NFIA: variants seen among roughly 807,000 people sequenced by gnomAD.
The protein encoded by NFIA is nuclear factor I A, also known as nuclear factor 1 A-type.
NFIA carries 8 observed loss-of-function variants against 62.8 expected under a neutral mutation model. That is an observed-to-expected ratio of 0.13 (90% CI 0.07 to 0.23). The LOEUF (loss-of-function observed/expected upper bound fraction) is 0.23. NFIA is among the 10% of genes least tolerant of loss of function. The pLI, the probability that NFIA is intolerant of heterozygous loss-of-function variation, is 1.00. For missense variants in NFIA, 410 were observed against 642.1 expected (o/e 0.64, Z 3.91); for synonymous variants, 235 against 238.1 (o/e 0.99, Z 0.12).
At chr1:61,150,426 A>C (rs539382320) in intron 2 of NFIA, among the ~76,000 whole-genome samples, 54 of 152,224 alleles carry the variant, frequency 3.5e-4, no homozygotes, top group African/African-American at 1.2e-3. Context: ...CATTGGAGTA[A>C]CCCTGTGATT....
Position 61,122,422 on chromosome 1 carries a change from C to T in NFIA, c.559+33742C>T, listed in dbSNP as rs117976341. 1.4e-4 allele frequency among the ~76,000 whole-genome samples: 22 copies of T among 152,266 alleles called. No individual in the cohort carries two copies. In the East Asian group the frequency reaches 4.2e-3, roughly 29 times the overall value. The stretch of plus-strand genomic sequence containing the variant: ...ACTTGCATGTATCCCAGAGTTTGCA[C>T]GGTGTTGCTGAGTGTCTCGTTAGAC... On this transcript the variant is annotated intron_variant, in intron 2 of 10. Transcript: ENST00000403491.
chr1:61,233,017 T>C (rs904570467), intron 2 of NFIA, among the ~76,000 whole-genome samples: 43 of 152,350 alleles, frequency 2.8e-4, no homozygotes, highest in Non-Finnish European at 4.4e-5. Flanking sequence ...GCTAAATAAA[T>C]TCTAAGCTCC....
chr1:61,125,610 G>A (rs556113544), intron 2 of NFIA, among the ~76,000 whole-genome samples: 2 of 152,128 alleles, frequency 1.3e-5, no homozygotes, highest in Non-Finnish European at 1.5e-5. Flanking sequence ...GCAAAATATG[G>A]TGTCATATGG....
In NFIA at chr1:61,113,166, G is replaced by A. The variant is rs1646733203; in HGVS notation, c.559+24486G>A. ...AAGGCTTATAAATCACTGTCTTTGAGATAAGTTTCTTAATTCACAGGTTTG... is the reference window on the plus strand; with the variant it reads ...AAGGCTTATAAATCACTGTCTTTGAAATAAGTTTCTTAATTCACAGGTTTG... On this transcript the variant is annotated intron_variant, in intron 2 of 10. Transcript: ENST00000403491. Among the ~76,000 whole-genome samples the A allele has an allele frequency of 3.9e-5, 6 of 151,998 alleles. No individual in the cohort carries two copies. The South Asian group carries it at 1.2e-3, about 32-fold the overall frequency.
intron 7 of NFIA, among the ~76,000 whole-genome samples, chr1:61,387,004 G>A (rs1324365017): frequency 6.6e-6 from 1 of 152,108 alleles, no homozygotes. Context: ...TTTCTTAAAA[G>A]CACTAATCCT....
chr1:61,440,960 A>G (rs1239603718), intron 10 of NFIA, among the ~76,000 whole-genome samples: 1 of 152,204 alleles, frequency 6.6e-6, no homozygotes, highest in Non-Finnish European at 1.5e-5. Flanking sequence ...AACTTTAAGA[A>G]TATTTTGGAA....
At chr1:61,454,080 C>T (rs565005571) in intron 10 of NFIA, among the ~76,000 whole-genome samples, 9 of 152,276 alleles carry the variant, frequency 5.9e-5, no homozygotes, top group African/African-American at 1.9e-4. Context: ...CAAATGAGTC[C>T]TTACATTACC....
chr1:61,269,218 TAA>T (rs879632480), intron 2 of NFIA, among the ~76,000 whole-genome samples: 5 of 138,228 alleles, frequency 3.6e-5, no homozygotes, highest in Non-Finnish European at 1.6e-5. Context: ...GTATAGAATT[TAA>T]AAAAAAAAAA....
At chr1:61,196,821 T>C (rs1652030271) in intron 2 of NFIA, among the ~76,000 whole-genome samples, 1 of 152,164 alleles carries the variant, frequency 6.6e-6, no homozygotes, top group South Asian at 2.1e-4. Context: ...GTAAATCGAC[T>C]TCTCTGCATA....
chr1:61,240,884 G>A (rs1273521655), intron 2 of NFIA, among the ~76,000 whole-genome samples: 1 of 151,648 alleles, frequency 6.6e-6, no homozygotes, highest in Non-Finnish European at 1.5e-5. Flanking sequence ...GAGTGAAGTT[G>A]AATATGACCA....
chr1:61,283,594 A>AAAAAAAAAAAAAG (rs1658294698), intron 3 of NFIA, among the ~76,000 whole-genome samples: 20 of 110,010 alleles, frequency 1.8e-4, no homozygotes, highest in Non-Finnish European at 3.2e-4. Context: ...AAAAAAAAAA[A>AAAAAAAAAAAAAG]AAAAAAAAAA....
At chr1:61,444,159 T>C (rs1453925190) in intron 10 of NFIA, among the ~76,000 whole-genome samples, 1 of 152,220 alleles carries the variant, frequency 6.6e-6, no homozygotes, top group Non-Finnish European at 1.5e-5. Context: ...CACAGAAAGC[T>C]GAAACTCATT....
At chr1:61,183,836 A>T (rs1018661633) in intron 2 of NFIA, among the ~76,000 whole-genome samples, 2 of 152,088 alleles carry the variant, frequency 1.3e-5, no homozygotes, top group African/African-American at 4.8e-5. Context: ...TGACATGGTA[A>T]AGTGGGACCA....
intron 10 of NFIA, among the ~76,000 whole-genome samples, chr1:61,437,063 T>C (rs1253809217): frequency 6.6e-6 from 1 of 152,156 alleles, no homozygotes; most frequent in Non-Finnish European, 1.5e-5. Context: ...CAGGCACAGT[T>C]GTTCTCAGCA....
intron 2 of NFIA, among the ~76,000 whole-genome samples, chr1:61,093,856 A>G (rs750291119): frequency 1.3e-5 from 2 of 152,192 alleles, no homozygotes; most frequent in African/African-American, 4.8e-5. Flanking sequence ...GATGAATAGC[A>G]TTAATTTAAA....
chr1:61,443,546 A>G (rs1026691366), intron 10 of NFIA, among the ~76,000 whole-genome samples: 6 of 152,190 alleles, frequency 3.9e-5, no homozygotes, highest in Non-Finnish European at 2.9e-5. Context: ...GAATCTGGGT[A>G]CTGGGAATGC....
At chr1:61,407,588 G>C (rs1569795204) in intron 9 of NFIA, among the ~76,000 whole-genome samples, 2 of 152,144 alleles carry the variant, frequency 1.3e-5, no homozygotes, top group African/African-American at 4.8e-5. Context: ...GGATGCCCTA[G>C]CCTTGATAGA....
rs879156791 is a variant in NFIA at position 61,082,654 on chromosome 1, ATT to A, written c.-130_-129del. On this transcript the variant is annotated 5_prime_UTR_variant, in exon 1 of 11. Coordinates refer to ENST00000403491, the MANE Select transcript of NFIA (RefSeq NM_001134673.4). ...AATGTGAACGCAAGAAGCAGGCTTG[ATT>A]TTTTTTTCTCCCCCCTTCTCTCTCT... 16,454 of 1,503,536 alleles carry A rather than the reference ATT, an allele frequency of 0.011. 129 individuals are homozygous for A. Among genetic ancestry groups the A allele is most frequent in the Non-Finnish European group, 0.012 (13,309 of 1,120,328 alleles). The allele number at this position is 1,503,536 out of a possible 1,614,324, so 93.1% of individuals were successfully genotyped here. A position where few individuals can be genotyped will look rare whatever the true frequency, so the allele number is the denominator to read the frequency against.
chr1:61,380,488 G>A (rs1664363145), intron 6 of NFIA, among the ~76,000 whole-genome samples: 1 of 152,060 alleles, frequency 6.6e-6, no homozygotes, highest in Admixed American at 6.6e-5. Context: ...TTAAAGTAAT[G>A]TACAGAACCA....
Sources: gnomAD v4.1 joint callset for allele counts (sites outside exome capture counted in the v4.1 genomes callset) on GRCh38, gnomAD v4.1.1 for gene constraint, MANE v1.5 for transcripts, NCBI Gene and HGNC (gene_info 2026-07-23, HGNC 2026-07-21) for gene names.